Variants in ADAMTS12 observed in about 807,000 individuals in gnomAD.
The protein encoded by ADAMTS12 is ADAM metallopeptidase with thrombospondin type 1 motif 12.
A neutral mutation model predicts 167.8 loss-of-function variants in ADAMTS12; 118 were observed. That is an observed-to-expected ratio of 0.70 (90% CI 0.61 to 0.82). The LOEUF (loss-of-function observed/expected upper bound fraction) is 0.82, where lower values mean the gene tolerates loss of function less well. ADAMTS12 is among the 40% of genes least tolerant of loss of function. The pLI, the probability that ADAMTS12 is intolerant of heterozygous loss-of-function variation, is 0.00. For missense variants in ADAMTS12, 1,916 were observed against 1,998.8 expected, an observed-to-expected ratio of 0.96 and a Z score of 0.79; for synonymous variants, 704 against 716.9, an observed-to-expected ratio of 0.98 and a Z score of 0.29.
intron 2 of ADAMTS12, among the ~76,000 whole-genome samples, chr5:33,843,456 A>C (rs1748824163): frequency 6.6e-6 from 1 of 152,152 alleles, no homozygotes; most frequent in Non-Finnish European, 1.5e-5. Context: ...GCCAGCACAG[A>C]ATGTGGGAGC....
At chr5:33,583,118 ATCCCCACCT>A (rs1408976729) in intron 18 of ADAMTS12, among the ~76,000 whole-genome samples, 2 of 151,818 alleles carry the variant, frequency 1.3e-5, no homozygotes, top group African/African-American at 2.4e-5. Flanking sequence ...CCCATTAATC[ATCCCCACCT>A]TCCCTGCAAA....
chr5:33,666,814 T>C (rs955611757), intron 5 of ADAMTS12, among the ~76,000 whole-genome samples: 2 of 152,168 alleles, frequency 1.3e-5, no homozygotes, highest in African/African-American at 4.8e-5. Context: ...TTTTTAAGGA[T>C]ATGCTTAAAT....
At chr5:33,554,871 G>A (rs988035539) in intron 20 of ADAMTS12, among the ~76,000 whole-genome samples, 1 of 152,176 alleles carries the variant, frequency 6.6e-6, no homozygotes, top group Non-Finnish European at 1.5e-5. Flanking sequence ...AGGAAAGGCT[G>A]TCACTTTCTG....
At position 33,802,158 on chromosome 5, in the gene ADAMTS12, A is replaced by G. The variant is rs116061477; in HGVS notation, c.490-50610T>C. On this transcript the variant is annotated intron_variant, in intron 2 of 23. Coordinates refer to ENST00000504830, the MANE Select transcript of ADAMTS12 (RefSeq NM_030955.4). ...GAATCTGCTAGCATCTTGATCTTGG[A>G]CTTTCCAGCCTCCAGTACTGTGAGA... 1.4e-3 allele frequency among the ~76,000 whole-genome samples: 212 copies of G among 152,292 alleles called. 2 individuals are homozygous for G. The highest frequency in any genetic ancestry group is 4.6e-3 in the African/African-American group (193 of 41,564).
intron 2 of ADAMTS12, among the ~76,000 whole-genome samples, chr5:33,831,785 T>C (rs1287219837): frequency 6.6e-6 from 1 of 152,172 alleles, no homozygotes; most frequent in Non-Finnish European, 1.5e-5. Flanking sequence ...GGTAACAAAA[T>C]ATATTGCCAT....
Position 33,588,604 on chromosome 5 carries a change from T to G in ADAMTS12, c.2860A>C (p.Ser954Arg), listed in dbSNP as rs1356508682. The G allele has an allele frequency of 6.2e-7, 1 of 1,613,916 alleles. No individual in the cohort carries two copies. The highest frequency in any genetic ancestry group is 1.3e-5 in the African/African-American group (1 of 74,892). The change falls in exon 18 of 24, where the codon AGT becomes CGT. Residue 954 changes from serine (S) to arginine (R), a missense_variant. Coordinates refer to ENST00000504830, the MANE Select transcript of ADAMTS12 (RefSeq NM_030955.4). ...CPSDWTVGNW[S>R]ECSVSCGGGV... ...CCGCCGAGCCCTGAGCTCACCTCACTCCAGTTGCCCACTGTCCAGTCCGAG... is the reference window on the plus strand; with the variant it reads ...CCGCCGAGCCCTGAGCTCACCTCACGCCAGTTGCCCACTGTCCAGTCCGAG...
At chr5:33,731,069 G>A (rs560965548) in intron 3 of ADAMTS12, among the ~76,000 whole-genome samples, 2 of 152,120 alleles carry the variant, frequency 1.3e-5, no homozygotes, top group African/African-American at 2.4e-5. Context: ...ATTAAATAAG[G>A]GATGTTTGTA....
intron 21 of ADAMTS12, among the ~76,000 whole-genome samples, chr5:33,547,427 A>G (rs1018359591): frequency 6.6e-6 from 1 of 151,888 alleles, no homozygotes; most frequent in African/African-American, 2.4e-5. Flanking sequence ...TGGTGTAGAG[A>G]TGGTCCCACA....
rs1746741723 is a variant in ADAMTS12, at chr5:33,576,682, GAGGTAGGACC to G, written c.3334_3343del (p.Gly1112ArgfsTer6). 1 of 1,614,072 alleles carries G rather than the reference GAGGTAGGACC, an allele frequency of 6.2e-7. No individual in the cohort carries two copies. The highest frequency in any genetic ancestry group is 1.1e-5 in the South Asian group (1 of 91,084). Reference sequence around the variant, plus strand: ...TGTTGTAGCTACAAGGCCTCCCTCCGAGGTAGGACCAGTATCTGAACTGGAAACATTTTCC... The same window carrying G: ...TGTTGTAGCTACAAGGCCTCCCTCCGAGTATCTGAACTGGAAACATTTTCC... On this transcript the variant is annotated frameshift_variant, in exon 19 of 24. Coordinates refer to ENST00000504830, the MANE Select transcript of ADAMTS12 (RefSeq NM_030955.4). LOFTEE classifies it high-confidence loss of function.
intron 23 of ADAMTS12, among the ~76,000 whole-genome samples, chr5:33,527,704 T>C (rs1173771903): frequency 6.6e-6 from 1 of 152,216 alleles, no homozygotes; most frequent in African/African-American, 2.4e-5. Flanking sequence ...GGGATGCTAG[T>C]AGACACGATC....
Position 33,548,909 on chromosome 5 carries a change from T to C in ADAMTS12, c.4302+298A>G, listed in dbSNP as rs1501724. ...TGTTCAAATCATCCCATTGCGTTCA[T>C]TTTCCCTGCAAGGACACCAATTCCC... On this transcript the variant is annotated intron_variant, in intron 21 of 23. Transcript: ENST00000504830. 0.28 allele frequency among the ~76,000 whole-genome samples: 42,946 copies of C among 152,162 alleles called. 7,347 individuals are homozygous for C. Among genetic ancestry groups the C allele is most frequent in the Middle Eastern group, 0.39 (114 of 294 alleles).
intron 2 of ADAMTS12, among the ~76,000 whole-genome samples, chr5:33,794,234 T>G (rs1357922905): frequency 6.6e-6 from 1 of 152,230 alleles, no homozygotes; most frequent in African/African-American, 2.4e-5. Context: ...AGGGTCTCCC[T>G]TTCCCACTTC....
intron 3 of ADAMTS12, among the ~76,000 whole-genome samples, chr5:33,707,091 G>C (rs1015569643): frequency 6.6e-6 from 1 of 152,154 alleles, no homozygotes; most frequent in Non-Finnish European, 1.5e-5. Context: ...AAGCTGATAA[G>C]CAACTTCAGC....
At chr5:33,604,299 C>T (rs1323471243) in intron 16 of ADAMTS12, among the ~76,000 whole-genome samples, 3 of 152,030 alleles carry the variant, frequency 2.0e-5, no homozygotes, top group Non-Finnish European at 2.9e-5. Flanking sequence ...GTCAGGAGTT[C>T]GAGACCAGCC....
chr5:33,819,213 T>C (rs1747782264), intron 2 of ADAMTS12, among the ~76,000 whole-genome samples: 2 of 152,188 alleles, frequency 1.3e-5, no homozygotes, highest in African/African-American at 2.4e-5. Context: ...ATGAGTTTTA[T>C]GGTTTTAAGT....
intron 23 of ADAMTS12, among the ~76,000 whole-genome samples, chr5:33,528,794 C>T (rs915752175): frequency 2.0e-5 from 3 of 152,186 alleles, no homozygotes; most frequent in Non-Finnish European, 4.4e-5. Flanking sequence ...CGCCTGTAAT[C>T]CCAGCACTTT....
At chr5:33,577,763 C>T (rs1746835779) in intron 18 of ADAMTS12, among the ~76,000 whole-genome samples, 1 of 152,082 alleles carries the variant, frequency 6.6e-6, no homozygotes, top group Non-Finnish European at 1.5e-5. Context: ...TTTAAAGGTA[C>T]ATAGTTAATC....
At chr5:33,543,309 C>A (rs1272335257) in intron 22 of ADAMTS12, among the ~76,000 whole-genome samples, 2 of 152,082 alleles carry the variant, frequency 1.3e-5, no homozygotes, top group Non-Finnish European at 2.9e-5. Context: ...CAAGGCTAAA[C>A]CAGGAAGAAG....
intron 3 of ADAMTS12, among the ~76,000 whole-genome samples, chr5:33,719,950 A>G (rs1021653453): frequency 1.3e-5 from 2 of 152,342 alleles, no homozygotes; most frequent in African/African-American, 4.8e-5. Context: ...CAAAGCACTC[A>G]TGTGTATCTG....
Sources: gnomAD v4.1 joint callset for allele counts (sites outside exome capture counted in the v4.1 genomes callset) on GRCh38, gnomAD v4.1.1 for gene constraint, MANE v1.5 for transcripts, NCBI Gene and HGNC (gene_info 2026-07-23, HGNC 2026-07-21) for gene names.